NSL1: variants seen among roughly 807,000 people sequenced by gnomAD.
The protein encoded by NSL1 is NSL1 component of MIS12 kinetochore complex, also known as kinetochore-associated protein NSL1 homolog.
NSL1 carries 11 observed loss-of-function variants against 25.4 expected under a neutral mutation model. The observed-to-expected ratio is 0.43, with a 90% CI of 0.27 to 0.72. The LOEUF is 0.72. Ranked by LOEUF, NSL1 falls within the 30% of genes least tolerant of loss-of-function variation. The pLI, the probability that NSL1 is intolerant of heterozygous loss-of-function variation, is 0.19. For synonymous variants in NSL1, 118 were observed against 120.6 expected (o/e 0.98, Z 0.14); for missense variants, 330 against 342.7 (o/e 0.96, Z 0.29).
chr1:212,785,448 G>A (rs899283723), intron 2 of NSL1, among the ~76,000 whole-genome samples: 3 of 151,734 alleles, frequency 2.0e-5, no homozygotes, highest in South Asian at 2.1e-4. Flanking sequence ...CCATTAACTC[G>A]TCATTTACAT....
rs940652498 is a variant in NSL1, at chr1:212,733,220, T to C, written c.*5188A>G. 2.0e-5 allele frequency among the ~76,000 whole-genome samples: 3 copies of C among 152,078 alleles called. No homozygotes were observed. Among genetic ancestry groups the C allele is most frequent in the Non-Finnish European group, 2.9e-5 (2 of 68,014 alleles). ...TGGGAGGCAGAGGTGGGCGGATCGC[T>C]TGAGCTCACGAGTTTGAGACCAGCC... On this transcript the variant is annotated 3_prime_UTR_variant, in exon 6 of 6. Coordinates refer to ENST00000366977, the MANE Select transcript of NSL1 (RefSeq NM_015471.4).
In NSL1 at chr1:212,730,158, G is replaced by C; in HGVS notation, c.*8250C>G. On this transcript the variant is annotated 3_prime_UTR_variant, in exon 6 of 6. Transcript: ENST00000366977. ...CCAGCTACTCGGGAGGCTAAGGCAT[G>C]AGAACCTCTTGAACCTGGGAGGTGG... 1.1e-6 allele frequency: 1 copy of C among 892,356 alleles called. No individual in the cohort carries two copies. The highest frequency in any genetic ancestry group is 5.3e-5 in the South Asian group (1 of 19,026). The allele number at this position is 892,356 out of a possible 1,614,324, so 55.3% of individuals were successfully genotyped here.
chr1:212,748,489 T>C (rs765341313), intron 4 of NSL1, among the ~76,000 whole-genome samples: 2 of 152,180 alleles, frequency 1.3e-5, no homozygotes, highest in Admixed American at 6.5e-5. Flanking sequence ...AAGAGATAAA[T>C]TGTCTGTAGA....
intron 4 of NSL1, among the ~76,000 whole-genome samples, chr1:212,741,382 C>T (rs1658498331): frequency 6.6e-6 from 1 of 152,188 alleles, no homozygotes; most frequent in Admixed American, 6.5e-5. Context: ...TGTGTCCCCA[C>T]CCAATCTCAT....
chr1:212,765,241 C>T (rs1659750208), intron 4 of NSL1, among the ~76,000 whole-genome samples: 1 of 152,038 alleles, frequency 6.6e-6, no homozygotes, highest in African/African-American at 2.4e-5. Context: ...TTCCATGAGG[C>T]CAGTATTACC....
rs1658114119 is a variant in NSL1, at chr1:212,733,548, T to G, written c.*4860A>C. 6.6e-6 allele frequency among the ~76,000 whole-genome samples: 1 copy of G among 152,238 alleles called. No homozygotes were observed. The highest frequency in any genetic ancestry group is 2.1e-4 in the South Asian group (1 of 4,830). Reference sequence around the variant, plus strand: ...GATCTATTTTTTGTTTCTGTAGATTTGCCTGTTCTGGACAGTTCATTTACA... The same window carrying G: ...GATCTATTTTTTGTTTCTGTAGATTGGCCTGTTCTGGACAGTTCATTTACA... On this transcript the variant is annotated 3_prime_UTR_variant, in exon 6 of 6. Coordinates refer to ENST00000366977, the MANE Select transcript of NSL1 (RefSeq NM_015471.4).
intron 4 of NSL1, chr1:212,766,312 T>C: frequency 1.7e-6 from 1 of 586,944 alleles, no homozygotes; most frequent in Non-Finnish European, 3.0e-6. Flanking sequence ...ACCACTTCTA[T>C]TCAACATAGT....
chr1:212,775,624 C>G (rs780380787), intron 4 of NSL1, among the ~76,000 whole-genome samples: 2 of 150,552 alleles, frequency 1.3e-5, no homozygotes, highest in Non-Finnish European at 3.0e-5. Context: ...AAACAAAACT[C>G]AATACCAAGG....
chr1:212,749,772 C>A (rs183180924), intron 4 of NSL1, among the ~76,000 whole-genome samples: 43 of 151,796 alleles, frequency 2.8e-4, no homozygotes, highest in Admixed American at 2.1e-3. Context: ...TGTTTTCTAT[C>A]GGTTGCACAA....
chr1:212,768,934 T>G (rs1282974269), intron 4 of NSL1, among the ~76,000 whole-genome samples: 1 of 152,094 alleles, frequency 6.6e-6, no homozygotes, highest in Non-Finnish European at 1.5e-5. Flanking sequence ...CTTCAGCTAC[T>G]CAAGAGACTA....
intron 4 of NSL1, among the ~76,000 whole-genome samples, chr1:212,756,511 T>C (rs1480632772): frequency 6.6e-6 from 1 of 152,194 alleles, no homozygotes; most frequent in Non-Finnish European, 1.5e-5. Context: ...GAGTGTACCA[T>C]GTCAGAAAAT....
chr1:212,763,366 AC>A (rs1204968147), intron 4 of NSL1, among the ~76,000 whole-genome samples: 2 of 152,158 alleles, frequency 1.3e-5, no homozygotes, highest in Admixed American at 1.3e-4. Context: ...CTAAAAAACA[AC>A]AACAGAATGA....
At chr1:212,755,009 G>A (rs1659240262) in intron 4 of NSL1, among the ~76,000 whole-genome samples, 1 of 152,078 alleles carries the variant, frequency 6.6e-6, no homozygotes, top group African/African-American at 2.4e-5. Context: ...CTAGACAGAG[G>A]GAGTGAAAGC....
chr1:212,739,838 C>A (rs1471664178), intron 4 of NSL1, among the ~76,000 whole-genome samples: 1 of 152,160 alleles, frequency 6.6e-6, no homozygotes, highest in Non-Finnish European at 1.5e-5. Flanking sequence ...ACACTGTGTG[C>A]CCCTAAAAGA....
Position 212,784,379 on chromosome 1 carries a change from G to T in NSL1, c.428C>A (p.Ala143Glu). 1 of 1,573,894 alleles carries T rather than the reference G, an allele frequency of 6.4e-7. No individual in the cohort carries two copies. Among genetic ancestry groups the T allele is most frequent in the Non-Finnish European group, 8.6e-7 (1 of 1,156,550 alleles). The change falls in exon 3 of 6, where the codon GCA becomes GAA. Residue 143 changes from alanine to glutamate, a missense_variant. Coordinates refer to ENST00000366977, the MANE Select transcript of NSL1 (RefSeq NM_015471.4). ...TCATCTTACCAGAATTTCTTGTTTT[G>T]CTTTTATGGTTTTGATGACACATTC... ...ILECVIKTIK[A>E]KQEILKQYHP...
In NSL1 at chr1:212,736,249, G is replaced by T; in HGVS notation, c.*2159C>A. ...AATGGAGTTTCACTATGTTGCCCAG[G>T]CTGGGCTCAAGTAATCTGTCCACTT... On this transcript the variant is annotated 3_prime_UTR_variant, in exon 6 of 6. Transcript: ENST00000366977. 2.6e-6 allele frequency: 2 copies of T among 757,336 alleles called. No individual in the cohort carries two copies. Among genetic ancestry groups the T allele is most frequent in the African/African-American group, 3.8e-5 (2 of 52,706 alleles). The allele number at this position is 757,336 out of a possible 1,614,324, so 46.9% of individuals were successfully genotyped here.
chr1:212,751,410 T>C (rs1659060812), intron 4 of NSL1, among the ~76,000 whole-genome samples: 1 of 152,024 alleles, frequency 6.6e-6, no homozygotes, highest in Admixed American at 6.6e-5. Context: ...AGAACTCACA[T>C]CTCCCTCCTA....
chr1:212,779,238 T>G lies in NSL1; in HGVS notation c.499+3134A>C, dbSNP rs1454817043. 2.7e-3 allele frequency among the ~76,000 whole-genome samples: 210 copies of G among 78,124 alleles called. 1 individual carries two copies. The South Asian group carries it at 0.042, about 16-fold the overall frequency. 51.3% of individuals were successfully genotyped at this position (78,124 alleles called of 152,430 possible). On this transcript the variant is annotated intron_variant, in intron 4 of 5. Coordinates refer to ENST00000366977, the MANE Select transcript of NSL1 (RefSeq NM_015471.4). Reference sequence around the variant, plus strand: ...CCCCGTCTGGGAGGGAGGTGGGGGGTGGGGTCAGCCCCCCTCCCGGCCAGC... The same window carrying G: ...CCCCGTCTGGGAGGGAGGTGGGGGGGGGGGTCAGCCCCCCTCCCGGCCAGC...
At chr1:212,778,018 A>G (rs1356156447) in intron 4 of NSL1, among the ~76,000 whole-genome samples, 4 of 152,226 alleles carry the variant, frequency 2.6e-5, no homozygotes, top group Non-Finnish European at 5.9e-5. Flanking sequence ...TAGAGATGAC[A>G]ATAACAAAAT....
Sources: gnomAD v4.1 joint callset for allele counts (sites outside exome capture counted in the v4.1 genomes callset) on GRCh38, gnomAD v4.1.1 for gene constraint, MANE v1.5 for transcripts, NCBI Gene and HGNC (gene_info 2026-07-23, HGNC 2026-07-21) for gene names.